CHSY3: variants seen among roughly 807,000 people sequenced by gnomAD.
The protein encoded by CHSY3 is chondroitin sulfate synthase 3, also known as N-acetylgalactosaminyl-proteoglycan 3-beta-glucuronosyltransferase 3.
Under a neutral mutation model 67.2 loss-of-function variants are expected in CHSY3, and 35 were observed. That is an observed-to-expected ratio of 0.52 (90% CI 0.40 to 0.69). The LOEUF (loss-of-function observed/expected upper bound fraction) is 0.69, where lower values mean the gene tolerates loss of function less well. Among genes scored for constraint, CHSY3 ranks in the 30% least tolerant of loss-of-function variants. The pLI is 0.00. For missense variants in CHSY3, 1,069 were observed against 1,138.5 expected, an observed-to-expected ratio of 0.94 and a Z score of 0.88; for synonymous variants, 474 against 434.7, an observed-to-expected ratio of 1.09 and a Z score of -1.12.
rs778319677 is a variant in CHSY3 at position 129,905,462 on chromosome 5, C to T, written c.633C>T (p.Pro211=). The T allele has an allele frequency of 4.5e-5, 73 of 1,612,584 alleles. No individual in the cohort carries two copies. Among genetic ancestry groups the T allele is most frequent in the Non-Finnish European group, 3.7e-5 (44 of 1,179,994 alleles). Residue 211 remains proline, a synonymous_variant, in exon 1 of 3, where the codon CCC becomes CCT. Coordinates refer to ENST00000305031, the MANE Select transcript of CHSY3 (RefSeq NM_175856.5). ...GRVEFFSSQQ[P]PNAGQPPPPL... is the part of the protein sequence containing the mutation. ...TGGAGTTCTTTTCCAGCCAGCAGCC[C>T]CCCAACGCCGGCCAGCCCCCGCCAC...
intron 2 of CHSY3, among the ~76,000 whole-genome samples, chr5:129,976,005 A>G (rs1013890454): frequency 6.6e-6 from 1 of 152,178 alleles, no homozygotes; most frequent in Non-Finnish European, 1.5e-5. Context: ...TGTTCTGACC[A>G]CATTCTGTGT....
At chr5:130,085,176 T>G (rs1164039772) in intron 2 of CHSY3, among the ~76,000 whole-genome samples, 6 of 152,026 alleles carry the variant, frequency 3.9e-5, no homozygotes, top group Non-Finnish European at 8.8e-5. Context: ...ATTTTTGGTC[T>G]ACATGTTGAA....
At chr5:130,142,854 A>G (rs1312849951) in intron 2 of CHSY3, among the ~76,000 whole-genome samples, 1 of 152,156 alleles carries the variant, frequency 6.6e-6, no homozygotes, top group Non-Finnish European at 1.5e-5. Context: ...TCAAAATCCC[A>G]TATGGGTGAT....
At chr5:129,912,014 C>T (rs1174256037) in intron 2 of CHSY3, among the ~76,000 whole-genome samples, 1 of 152,144 alleles carries the variant, frequency 6.6e-6, no homozygotes, top group Non-Finnish European at 1.5e-5. Flanking sequence ...CGAGATAGCC[C>T]ACTGCACTCC....
At chr5:130,077,799 GTA>G (rs76554919) in intron 2 of CHSY3, among the ~76,000 whole-genome samples, 3 of 150,438 alleles carry the variant, frequency 2.0e-5, no homozygotes, top group East Asian at 2.0e-4. Context: ...ATATATGTGT[GTA>G]TATATATATA....
chr5:129,982,898 C>T (rs1233381101), intron 2 of CHSY3, among the ~76,000 whole-genome samples: 10 of 151,908 alleles, frequency 6.6e-5, no homozygotes, highest in African/African-American at 2.2e-4. Flanking sequence ...GTTACATAAG[C>T]GAATATACAT....
chr5:129,936,994 A>G (rs1761514329), intron 2 of CHSY3, among the ~76,000 whole-genome samples: 1 of 152,160 alleles, frequency 6.6e-6, no homozygotes, highest in African/African-American at 2.4e-5. Context: ...TTCCCTAGGT[A>G]GAAGAATTAG....
intron 2 of CHSY3, among the ~76,000 whole-genome samples, chr5:129,950,269 A>G (rs1761988162): frequency 6.6e-6 from 1 of 152,290 alleles, no homozygotes; most frequent in Admixed American, 6.5e-5. Context: ...AGGTGTAAAG[A>G]AATGTACCTC....
At chr5:129,936,750 C>T (rs1271530577) in intron 2 of CHSY3, among the ~76,000 whole-genome samples, 1 of 152,164 alleles carries the variant, frequency 6.6e-6, no homozygotes, top group African/African-American at 2.4e-5. Flanking sequence ...TAGACGATGA[C>T]AGTACAGAAA....
At chr5:129,932,213 A>G (rs979439) in intron 2 of CHSY3, among the ~76,000 whole-genome samples, 87,196 of 147,460 alleles carry the variant, frequency 0.59, 25,967 homozygotes, top group African/African-American at 0.67. Context: ...TCACACTGCC[A>G]TGGGGGCTGG....
At chr5:130,076,425 G>T (rs1195646376) in intron 2 of CHSY3, among the ~76,000 whole-genome samples, 1 of 147,454 alleles carries the variant, frequency 6.8e-6, no homozygotes, top group South Asian at 2.1e-4. Flanking sequence ...TTTGTAATTA[G>T]TTTATAAGGC....
At chr5:130,149,420 G>T (rs1769169712) in intron 2 of CHSY3, among the ~76,000 whole-genome samples, 1 of 152,158 alleles carries the variant, frequency 6.6e-6, no homozygotes, top group Non-Finnish European at 1.5e-5. Context: ...ATCACATGGT[G>T]AAAGCAGGAG....
At chr5:129,993,100 C>T (rs1763417339) in intron 2 of CHSY3, among the ~76,000 whole-genome samples, 1 of 152,060 alleles carries the variant, frequency 6.6e-6, no homozygotes, top group Non-Finnish European at 1.5e-5. Context: ...AAAACGGGTA[C>T]TGTTATGTGC....
chr5:130,184,971 C>A lies in CHSY3; in HGVS notation c.1829C>A (p.Ala610Asp). The change falls in exon 3 of 3, where the codon GCC (alanine) becomes GAC (aspartate). Residue 610 changes from alanine (A) to aspartate (D), a missense_variant. By Grantham distance (126) the Ala-to-Asp change is moderately radical. This residue lies in a region of CHSY3 where 401 missense variants were observed against 395.2 expected (regional missense o/e 1.01). Transcript: ENST00000305031. ...AAGATATTATCTTCTTTTCAAGGTGCCAAAGAAATGGGAGGGCACAATGAA... is the reference window on the plus strand; with the variant it reads ...AAGATATTATCTTCTTTTCAAGGTGACAAAGAAATGGGAGGGCACAATGAA... ...SLKILSSFQG[A>D]KEMGGHNEKK... is the part of the protein sequence containing the mutation. The A allele has an allele frequency of 6.4e-7, 1 of 1,563,050 alleles. No individual in the cohort carries two copies. The highest frequency in any genetic ancestry group is 8.8e-7 in the Non-Finnish European group (1 of 1,134,002).
At chr5:129,979,225 A>G (rs1762905635) in intron 2 of CHSY3, among the ~76,000 whole-genome samples, 1 of 139,484 alleles carries the variant, frequency 7.2e-6, no homozygotes, top group Non-Finnish European at 1.6e-5. Context: ...AAAAAAAAAA[A>G]GAAAGAAAAG....
At chr5:130,081,248 G>A (rs1054204255) in intron 2 of CHSY3, among the ~76,000 whole-genome samples, 2 of 151,832 alleles carry the variant, frequency 1.3e-5, no homozygotes, top group African/African-American at 4.8e-5. Flanking sequence ...CAGATAAAGG[G>A]GCTTCAAGAG....
chr5:130,140,608 C>T, intron 2 of CHSY3: 1 of 436,516 alleles, frequency 2.3e-6, no homozygotes. Flanking sequence ...ACATGCTGAT[C>T]TTTGACCTGG....
intron 2 of CHSY3, among the ~76,000 whole-genome samples, chr5:129,925,090 G>A (rs892809761): frequency 2.6e-5 from 4 of 152,246 alleles, no homozygotes; most frequent in Admixed American, 1.3e-4. Flanking sequence ...GAAGAAATGA[G>A]CTATATTATG....
chr5:130,143,780 A>ATGTG (rs1181042128), intron 2 of CHSY3, among the ~76,000 whole-genome samples: 1 of 60,410 alleles, frequency 1.7e-5, no homozygotes, highest in African/African-American at 9.3e-5. Context: ...ATATATATAT[A>ATGTG]TGTGTATATA....
Sources: allele counts gnomAD v4.1 joint callset (sites outside exome capture counted in the v4.1 genomes callset), GRCh38; gene constraint gnomAD v4.1.1; regional missense constraint gnomAD v4.1.1; transcripts MANE v1.5; gene names NCBI Gene and HGNC (gene_info 2026-07-23, HGNC 2026-07-21).